Variants in MDGA2 observed in about 807,000 individuals in gnomAD.
MDGA2 encodes the protein MAM domain containing glycosylphosphatidylinositol anchor 2.
In MDGA2, 40 loss-of-function variants were observed where a neutral mutation model predicts 117.8. That is an observed-to-expected ratio of 0.34 (90% CI 0.26 to 0.44). MDGA2 has a LOEUF of 0.44. Ranked by LOEUF, MDGA2 falls within the 20% of genes least tolerant of loss-of-function variation. The pLI is 1.00. For synonymous variants in MDGA2, 452 were observed against 439.0 expected, an observed-to-expected ratio of 1.03 and a Z score of -0.37; for missense variants, 1,123 against 1,250.6, an observed-to-expected ratio of 0.90 and a Z score of 1.54.
chr14:47,462,330 C>G lies in MDGA2; in HGVS notation c.281-160780G>C, dbSNP rs952937374. Among the ~76,000 whole-genome samples the G allele has an allele frequency of 2.8e-5, 4 of 142,708 alleles. No homozygotes were observed. In the East Asian group the frequency reaches 8.5e-4, roughly 30 times the overall value. The allele number at this position is 142,708 out of a possible 152,430, so 93.6% of individuals were successfully genotyped here. A position where few individuals can be genotyped will look rare whatever the true frequency, so the allele number is the denominator to read the frequency against. ...AGCGGAGCTTGCAGTGAGCCCAGATCGTGCCACTGCACTCCAGCCTGGGCG... is the reference window on the plus strand; with the variant it reads ...AGCGGAGCTTGCAGTGAGCCCAGATGGTGCCACTGCACTCCAGCCTGGGCG... On this transcript the variant is annotated intron_variant, in intron 1 of 16. Transcript: ENST00000399232.
Position 47,649,673 on chromosome 14 carries a change from A to G in MDGA2, c.280+24844T>C, listed in dbSNP as rs78755872. Among the ~76,000 whole-genome samples, 545 of 132,824 alleles carry G rather than the reference A, an allele frequency of 4.1e-3. 15 individuals carry two copies. In the East Asian group the frequency reaches 0.076, roughly 18 times the overall value. 87.1% of individuals were successfully genotyped at this position (132,824 alleles called of 152,430 possible). ...GCCCTCCAGCCTGGGCAACAGAGTG[A>G]GGCTTCATCTCAAAAACAAAACAAA... On this transcript the variant is annotated intron_variant, in intron 1 of 16. Transcript: ENST00000399232.
At chr14:47,020,541 G>T (rs1255198079) in intron 8 of MDGA2, among the ~76,000 whole-genome samples, 1 of 152,122 alleles carries the variant, frequency 6.6e-6, no homozygotes, top group African/African-American at 2.4e-5. Flanking sequence ...TCCCCTAAAA[G>T]TATGTATGAA....
chr14:47,283,733 G>C (rs1030684549), intron 2 of MDGA2, among the ~76,000 whole-genome samples: 3 of 152,144 alleles, frequency 2.0e-5, no homozygotes, highest in African/African-American at 7.2e-5. Context: ...TGATAATCCT[G>C]TAGTGCTATT....
intron 5 of MDGA2, among the ~76,000 whole-genome samples, chr14:47,100,916 A>G (rs1343845091): frequency 6.6e-6 from 1 of 152,124 alleles, no homozygotes; most frequent in Non-Finnish European, 1.5e-5. Context: ...GGTGCCAGTC[A>G]GAATACCAGG....
intron 1 of MDGA2, among the ~76,000 whole-genome samples, chr14:47,341,782 A>T (rs1324425138): frequency 6.6e-6 from 1 of 152,140 alleles, no homozygotes; most frequent in Non-Finnish European, 1.5e-5. Context: ...TGAAGTGGAG[A>T]AAACAGCAGC....
chr14:47,466,597 G>T (rs534152398), intron 1 of MDGA2, among the ~76,000 whole-genome samples: 1 of 152,204 alleles, frequency 6.6e-6, no homozygotes, highest in East Asian at 1.9e-4. Context: ...ATGTCCATGG[G>T]ATAACTTGAT....
chr14:47,446,899 A>C (rs1893135012), intron 1 of MDGA2, among the ~76,000 whole-genome samples: 1 of 152,186 alleles, frequency 6.6e-6, no homozygotes, highest in Non-Finnish European at 1.5e-5. Flanking sequence ...TTGCAGACTT[A>C]AGTGTGGCAC....
At chr14:47,672,501 A>G (rs1898092852) in intron 1 of MDGA2, among the ~76,000 whole-genome samples, 2 of 152,206 alleles carry the variant, frequency 1.3e-5, no homozygotes, top group Admixed American at 1.3e-4. Flanking sequence ...GAATAACAAA[A>G]AGTGACAGGA....
intron 1 of MDGA2, among the ~76,000 whole-genome samples, chr14:47,668,976 G>A (rs1299399598): frequency 6.6e-6 from 1 of 152,146 alleles, no homozygotes; most frequent in Non-Finnish European, 1.5e-5. Flanking sequence ...CAGAGAATAT[G>A]AGTGATGAAT....
chr14:47,626,832 G>A (rs1411719360), intron 1 of MDGA2, among the ~76,000 whole-genome samples: 2 of 152,362 alleles, frequency 1.3e-5, no homozygotes, highest in African/African-American at 4.8e-5. Context: ...AGAGCCTCCT[G>A]ACGAGCGCCG....
chr14:47,481,515 A>G (rs1267864057), intron 1 of MDGA2, among the ~76,000 whole-genome samples: 9 of 152,042 alleles, frequency 5.9e-5, no homozygotes, highest in Non-Finnish European at 5.9e-5. Context: ...GTCTTGATAC[A>G]GATTTAAAGT....
intron 6 of MDGA2, among the ~76,000 whole-genome samples, chr14:47,095,436 T>C (rs933832828): frequency 6.6e-6 from 1 of 151,926 alleles, no homozygotes; most frequent in Non-Finnish European, 1.5e-5. Context: ...TGAACTATTA[T>C]AAAAAATTAA....
chr14:47,167,798 C>T (rs1266535308), intron 3 of MDGA2, among the ~76,000 whole-genome samples: 1 of 152,092 alleles, frequency 6.6e-6, no homozygotes, highest in Admixed American at 6.6e-5. Flanking sequence ...ACTCTAAATA[C>T]AATTATTTCA....
In MDGA2 at chr14:47,169,531, G is replaced by A. The variant is rs1161506805; in HGVS notation, c.596-25257C>T. 2.0e-5 allele frequency among the ~76,000 whole-genome samples: 3 copies of A among 151,696 alleles called. No homozygotes were observed. The East Asian group carries it at 5.8e-4, about 29-fold the overall frequency. ...CTAACAAAAAAATTCATATTTATTGGTAACCAGTAATTTTGCTAAGAATTT... is the reference window on the plus strand; with the variant it reads ...CTAACAAAAAAATTCATATTTATTGATAACCAGTAATTTTGCTAAGAATTT... On this transcript the variant is annotated intron_variant, in intron 3 of 16. Transcript: ENST00000399232.
intron 2 of MDGA2, among the ~76,000 whole-genome samples, chr14:47,292,801 T>TTTG (rs1292936723): frequency 3.3e-5 from 5 of 152,194 alleles, no homozygotes; most frequent in Non-Finnish European, 5.9e-5. Flanking sequence ...AGGTGTCATT[T>TTTG]TTGTCTTTTT....
At chr14:47,148,527 T>C (rs192871551) in intron 3 of MDGA2, among the ~76,000 whole-genome samples, 2 of 152,304 alleles carry the variant, frequency 1.3e-5, no homozygotes, top group African/African-American at 4.8e-5. Context: ...GTAGTACGTA[T>C]GACCAGATAA....
At chr14:47,615,459 CAAT>C (rs140220016) in intron 1 of MDGA2, among the ~76,000 whole-genome samples, 4,189 of 152,194 alleles carry the variant, frequency 0.028, 110 homozygotes, top group African/African-American at 0.071. Context: ...ACATACACAA[CAAT>C]GTTTCACAGT....
At chr14:47,131,361 C>A (rs1279921980) in intron 5 of MDGA2, among the ~76,000 whole-genome samples, 4 of 151,864 alleles carry the variant, frequency 2.6e-5, no homozygotes, top group Non-Finnish European at 5.9e-5. Context: ...ACTTTGAAAG[C>A]ACAAAACTCA....
At chr14:47,665,757 T>C (rs1237039794) in intron 1 of MDGA2, among the ~76,000 whole-genome samples, 1 of 151,652 alleles carries the variant, frequency 6.6e-6, no homozygotes, top group Non-Finnish European at 1.5e-5. Flanking sequence ...CAGCCTTAGC[T>C]GCCTCCCTGC....
Sources: gnomAD v4.1 joint callset for allele counts (sites outside exome capture counted in the v4.1 genomes callset) on GRCh38, gnomAD v4.1.1 for gene constraint, MANE v1.5 for transcripts, NCBI Gene and HGNC (gene_info 2026-07-23, HGNC 2026-07-21) for gene names.